Variants in CYSLTR1 observed in about 807,000 individuals in gnomAD.
CYSLTR1 encodes the protein G-protein coupled receptor HG55.
A neutral mutation model predicts 2.1 loss-of-function variants in CYSLTR1; 1 was observed. The ratio of observed to expected loss-of-function variants is 0.48; its 90% CI spans 0.17 to 2.28. The LOEUF (loss-of-function observed/expected upper bound fraction) is 2.28, where lower values mean the gene tolerates loss of function less well. CYSLTR1 is among the 30% of genes most tolerant of loss of function. The pLI is 0.26. For synonymous variants in CYSLTR1, 110 were observed against 89.6 expected, an observed-to-expected ratio of 1.23 and a Z score of -1.28; for missense variants, 299 against 250.1, an observed-to-expected ratio of 1.20 and a Z score of -1.32.
intron 1 of CYSLTR1, among the ~76,000 whole-genome samples, chrX:78,324,265 C>T (rs1313408714): frequency 1.8e-5 from 2 of 112,685 alleles, no homozygotes; most frequent in African/African-American, 6.4e-5. Flanking sequence ...TTTATCTAAT[C>T]AAATTAGATA....
At chrX:78,284,462 G>A (rs934584128) in intron 1 of CYSLTR1, among the ~76,000 whole-genome samples, 43 of 111,089 alleles carry the variant, frequency 3.9e-4, no homozygotes, top group African/African-American at 1.4e-3. Context: ...GTGCAGTGGC[G>A]TGATCTCCAC....
At chrX:78,275,035 T>C (rs939339388) in intron 2 of CYSLTR1, among the ~76,000 whole-genome samples, 5 of 111,043 alleles carry the variant, frequency 4.5e-5, no homozygotes, top group African/African-American at 1.6e-4. Flanking sequence ...TGAGATACCA[T>C]CTCACACCAG....
chrX:78,282,306 G>C (rs760026669), intron 2 of CYSLTR1, among the ~76,000 whole-genome samples: 1 of 111,785 alleles, frequency 8.9e-6, no homozygotes, highest in East Asian at 2.8e-4. Flanking sequence ...TCAATGATTT[G>C]TATATCTTAT....
intron 1 of CYSLTR1, among the ~76,000 whole-genome samples, chrX:78,323,972 C>A (rs1026159516): frequency 4.5e-5 from 5 of 111,756 alleles, no homozygotes; most frequent in African/African-American, 1.6e-4. Context: ...ATAAGGACCT[C>A]TTCCTAACTT....
At chrX:78,293,169 C>A (rs1261498377) in intron 1 of CYSLTR1, among the ~76,000 whole-genome samples, 1 of 110,047 alleles carries the variant, frequency 9.1e-6, no homozygotes, top group Non-Finnish European at 1.9e-5. Flanking sequence ...TTAGGGCAGG[C>A]CTGGTGGTGA....
At position 78,289,664 on chromosome X, in the gene CYSLTR1, G is replaced by A. The variant is rs1273695135; in HGVS notation, c.-114-6124C>T. Reference sequence around the variant, plus strand: ...TTTAATGATCGCCATTCTAACTGGCGTGAGATGGTATCTCATTGTAGTTTT... The same window carrying A: ...TTTAATGATCGCCATTCTAACTGGCATGAGATGGTATCTCATTGTAGTTTT... On this transcript the variant is annotated intron_variant, in intron 1 of 2. Coordinates refer to ENST00000373304, the MANE Select transcript of CYSLTR1 (RefSeq NM_006639.4). Among the ~76,000 whole-genome samples, 14 of 111,916 alleles carry A rather than the reference G, an allele frequency of 1.3e-4. No homozygotes were observed. In the East Asian group the frequency reaches 1.7e-3, roughly 13 times the overall value.
intron 2 of CYSLTR1, 33 bp from the exon 3 acceptor site, chrX:78,273,806 C>G (rs1330274477): frequency 9.3e-7 from 1 of 1,072,356 alleles, no homozygotes; most frequent in East Asian, 3.0e-5. Context: ...TCAATTTTAA[C>G]TAGACCATAA....
intron 1 of CYSLTR1, among the ~76,000 whole-genome samples, chrX:78,309,794 G>A (rs1414748312): frequency 1.8e-5 from 2 of 111,378 alleles, no homozygotes; most frequent in Admixed American, 9.5e-5. Flanking sequence ...CTCATGACCC[G>A]GAAAGTTAAA....
intron 1 of CYSLTR1, among the ~76,000 whole-genome samples, chrX:78,296,637 A>G (rs1922585768): frequency 9.0e-6 from 1 of 111,440 alleles, no homozygotes; most frequent in African/African-American, 3.3e-5. Flanking sequence ...CTAGGTATTT[A>G]ATTTTATTTG....
chrX:78,296,827 C>A (rs1922594928), intron 1 of CYSLTR1, among the ~76,000 whole-genome samples: 1 of 111,355 alleles, frequency 9.0e-6, no homozygotes, highest in South Asian at 3.7e-4. Flanking sequence ...AAGATTATAT[C>A]ATCTGCAAAC....
At chrX:78,276,121 G>A (rs1404689826) in intron 2 of CYSLTR1, among the ~76,000 whole-genome samples, 1 of 111,589 alleles carries the variant, frequency 9.0e-6, no homozygotes, top group Non-Finnish European at 1.9e-5. Flanking sequence ...TTACTGTTTA[G>A]CAATATACAG....
intron 1 of CYSLTR1, among the ~76,000 whole-genome samples, chrX:78,307,598 T>A (rs1923076952): frequency 9.0e-6 from 1 of 111,572 alleles, no homozygotes; most frequent in Non-Finnish European, 1.9e-5. Context: ...TCCCATTATA[T>A]CCACAGGTCC....
intron 2 of CYSLTR1, among the ~76,000 whole-genome samples, chrX:78,276,613 C>T (rs777814762): frequency 1.8e-5 from 2 of 110,652 alleles, no homozygotes; most frequent in East Asian, 5.7e-4. Context: ...GCTGGTTGTT[C>T]AATTTTTTCC....
intron 1 of CYSLTR1, among the ~76,000 whole-genome samples, chrX:78,292,147 C>A (rs1358023276): frequency 9.0e-6 from 1 of 111,703 alleles, no homozygotes; most frequent in Non-Finnish European, 1.9e-5. Context: ...TAAATGTGTC[C>A]CAGAGATTCT....
At chrX:78,286,302 A>C (rs770590236) in intron 1 of CYSLTR1, among the ~76,000 whole-genome samples, 99 of 111,091 alleles carry the variant, frequency 8.9e-4, no homozygotes, top group South Asian at 2.3e-3. Context: ...AATGTTGCTG[A>C]ATAGGATTTC....
At chrX:78,318,058 T>C (rs1249788665) in intron 1 of CYSLTR1, among the ~76,000 whole-genome samples, 3 of 112,432 alleles carry the variant, frequency 2.7e-5, no homozygotes, top group Non-Finnish European at 3.8e-5. Context: ...GGAATATAAA[T>C]TCTTCTATTA....
intron 1 of CYSLTR1, among the ~76,000 whole-genome samples, chrX:78,302,425 G>T (rs767252022): frequency 4.5e-5 from 5 of 111,313 alleles, no homozygotes; most frequent in Non-Finnish European, 7.5e-5. Flanking sequence ...GGCTGAGCTG[G>T]TACCTGAGGT....
intron 2 of CYSLTR1, among the ~76,000 whole-genome samples, chrX:78,281,669 A>G (rs1313410186): frequency 9.0e-6 from 1 of 111,654 alleles, no homozygotes; most frequent in African/African-American, 3.3e-5. Context: ...ATCAAATTTC[A>G]AGTAAATAAT....
At chrX:78,310,017 G>T (rs766763405) in intron 1 of CYSLTR1, among the ~76,000 whole-genome samples, 29 of 111,987 alleles carry the variant, frequency 2.6e-4, no homozygotes, top group Middle Eastern at 9.3e-3. Context: ...TACAATGTGG[G>T]AATACTGTTT....
Sources: allele counts gnomAD v4.1 joint callset (sites outside exome capture counted in the v4.1 genomes callset), GRCh38; gene constraint gnomAD v4.1.1; transcripts MANE v1.5; gene names NCBI Gene and HGNC (gene_info 2026-07-23, HGNC 2026-07-21).